NUDT1: variants seen among roughly 807,000 people sequenced by gnomAD.
NUDT1 encodes nudix hydrolase 1.
A neutral mutation model predicts 11.3 loss-of-function variants in NUDT1; 16 were observed. That is an observed-to-expected ratio of 1.41 (90% confidence interval 0.96 to 2.15). The LOEUF is 2.15. NUDT1 is among the 30% of genes most tolerant of loss of function. NUDT1 has a pLI of 0.00. For synonymous variants in NUDT1, 101 were observed against 84.4 expected (o/e 1.20, Z -1.08); for missense variants, 234 against 208.4 (o/e 1.12, Z -0.76).
intron 3 of NUDT1, 34 bp from the exon 4 acceptor site, chr7:2,250,795 C>A (rs889123021): frequency 6.2e-7 from 1 of 1,613,356 alleles, no homozygotes; most frequent in Admixed American, 1.7e-5. Context: ...GTTTGGGTTG[C>A]ACCTCAGTGC....
intron 1 of NUDT1, 131 bp downstream of exon 1, chr7:2,242,387 G>C (rs943714458): frequency 7.7e-6 from 4 of 520,152 alleles, no homozygotes; most frequent in East Asian, 3.5e-5. Context: ...GCTCGAAGGA[G>C]ACCAGAAGAG....
At chr7:2,246,025 A>C (rs535529552) in intron 2 of NUDT1, among the ~76,000 whole-genome samples, 2 of 152,282 alleles carry the variant, frequency 1.3e-5, no homozygotes, top group East Asian at 3.9e-4. Context: ...TGGGGGCCGC[A>C]GCTGGGGAGG....
chr7:2,248,520 C>A (rs886292069), intron 2 of NUDT1, among the ~76,000 whole-genome samples: 1 of 150,010 alleles, frequency 6.7e-6, no homozygotes, highest in Admixed American at 6.6e-5. Flanking sequence ...GTGGAAAGCC[C>A]GAGGTATAAA....
Position 2,244,697 on chromosome 7 carries a change from A to T in NUDT1, c.123A>T (p.Glu41Asp). 6.2e-7 allele frequency: 1 copy of T among 1,612,828 alleles called. No individual in the cohort carries two copies. The highest frequency in any genetic ancestry group is 8.5e-7 in the Non-Finnish European group (1 of 1,179,596). ...RWNGFGGKVQ[E>D]GETIEDGARR... The stretch of plus-strand genomic sequence containing the variant: ...ATGGCTTTGGGGGCAAAGTGCAAGA[A>T]GGAGAGACCATCGAGGATGGGGCTA... The change falls in exon 2 of 4, where the codon GAA becomes GAT. Residue 41 changes from glutamate (E) to aspartate (D), a missense_variant. Physicochemically the swap from Glu to Asp is conservative, Grantham distance 45. Coordinates refer to ENST00000356714, the MANE Select transcript of NUDT1 (RefSeq NM_002452.4).
At chr7:2,246,577 A>C (rs1794774271) in intron 2 of NUDT1, among the ~76,000 whole-genome samples, 1 of 152,228 alleles carries the variant, frequency 6.6e-6, no homozygotes, top group South Asian at 2.1e-4. Context: ...TGACAAGCAA[A>C]GCACAGGCCC....
intron 3 of NUDT1, among the ~76,000 whole-genome samples, chr7:2,250,514 A>G (rs12699805): frequency 0.64 from 97,253 of 151,638 alleles, 31,978 homozygotes; most frequent in East Asian, 0.74. Flanking sequence ...CTGGAGGGCA[A>G]TGGCGCAATC....
At chr7:2,248,834 G>A (rs928243306) in intron 2 of NUDT1, among the ~76,000 whole-genome samples, 2 of 152,122 alleles carry the variant, frequency 1.3e-5, no homozygotes, top group African/African-American at 4.8e-5. Context: ...GGGATTACAG[G>A]CATGAGCCAC....
Position 2,242,256 on chromosome 7 carries a change from G to A in NUDT1, c.-13G>A. The A allele has an allele frequency of 2.9e-6, 4 of 1,356,708 alleles. No homozygotes were observed. Among genetic ancestry groups the A allele is most frequent in the South Asian group, 1.4e-5 (1 of 73,910 alleles). The allele number at this position is 1,356,708 out of a possible 1,614,324, so 84.0% of individuals were successfully genotyped here. On this transcript the variant is annotated splice_region_variant and 5_prime_UTR_variant, in exon 1 of 4. Coordinates refer to ENST00000356714, the MANE Select transcript of NUDT1 (RefSeq NM_002452.4). ...CCACGCCCCCGGAAGCGGCGGTGCAGGTACGAAAAGCGCGCGCGGGGATTC... is the reference window on the plus strand; with the variant it reads ...CCACGCCCCCGGAAGCGGCGGTGCAAGTACGAAAAGCGCGCGCGGGGATTC...
chr7:2,250,056 G>T, intron 3 of NUDT1, 54 bp downstream of exon 3: 1 of 1,602,558 alleles, frequency 6.2e-7, no homozygotes, highest in Non-Finnish European at 8.5e-7. Context: ...CCATCTCCTG[G>T]CTGGGAGAAA....
intron 1 of NUDT1, 87 bp from the exon 2 acceptor site, chr7:2,244,476 C>A: frequency 7.7e-7 from 1 of 1,300,186 alleles, no homozygotes; most frequent in Non-Finnish European, 1.0e-6. Context: ...CACTGCCTCC[C>A]AGAGCACGTC....
rs2115054085 is a variant in NUDT1 at position 2,244,740 on chromosome 7, A to C, written c.152+14A>C. On this transcript the variant is annotated intron_variant, in intron 2 of 3. Transcript: ENST00000356714. ...TGGGGCTAGGAGGTAAGGATGGGGC[A>C]GGTCTGGCCATAGAACCGGCTTTCC... is the stretch of plus-strand genomic sequence containing the variant. 2 of 1,601,536 alleles carry C rather than the reference A, an allele frequency of 1.2e-6. No homozygotes were observed. The highest frequency in any genetic ancestry group is 1.7e-6 in the Non-Finnish European group (2 of 1,175,166).
chr7:2,250,746 C>T, intron 3 of NUDT1, 83 bp from the exon 4 acceptor site: 4 of 1,514,648 alleles, frequency 2.6e-6, no homozygotes, highest in Admixed American at 1.7e-5. Flanking sequence ...GCGTGAGCCA[C>T]CGCGCCCGGC....
chr7:2,244,561 A>G lies in NUDT1; in HGVS notation c.-12-2A>G, dbSNP rs371772164. 7.1e-6 allele frequency: 11 copies of G among 1,543,412 alleles called. No homozygotes were observed. The highest frequency in any genetic ancestry group is 2.0e-5 in the Admixed American group (1 of 50,352). ...GACTCTGCCCTCTCACCTTCCTTTCAGAACCCAGGGACCATGGGCGCCTCC... is the reference window on the plus strand; with the variant it reads ...GACTCTGCCCTCTCACCTTCCTTTCGGAACCCAGGGACCATGGGCGCCTCC... On this transcript the variant is annotated splice_acceptor_variant, in intron 1 of 3. Coordinates refer to ENST00000356714, the MANE Select transcript of NUDT1 (RefSeq NM_002452.4). LOFTEE classifies it low-confidence loss of function (5UTR_SPLICE).
chr7:2,249,541 T>G, intron 2 of NUDT1: 1 of 431,068 alleles, frequency 2.3e-6, no homozygotes, highest in Non-Finnish European at 4.4e-6. Flanking sequence ...TGGACTCCAC[T>G]GGGCCTGGGC....
At chr7:2,243,166 G>A (rs1395152003) in intron 1 of NUDT1, 4 of 581,850 alleles carry the variant, frequency 6.9e-6, no homozygotes, top group South Asian at 2.2e-5. Context: ...TGCTTTCCAC[G>A]TCCTCTTGAC....
chr7:2,242,582 A>G (rs1233691463), intron 1 of NUDT1: 2 of 335,240 alleles, frequency 6.0e-6, no homozygotes, highest in African/African-American at 2.1e-5. Flanking sequence ...TGTGAAACTA[A>G]GCCACAAACC....
At chr7:2,244,451 T>TTGGCCC in intron 1 of NUDT1, 112 bp from the exon 2 acceptor site, 1 of 981,626 alleles carries the variant, frequency 1.0e-6, no homozygotes, top group Non-Finnish European at 1.5e-6. Context: ...AGTTACAGCA[T>TTGGCCC]ACCCCCCCGC....
chr7:2,250,504 C>A (rs1349977606), intron 3 of NUDT1, among the ~76,000 whole-genome samples: 1 of 152,258 alleles, frequency 6.6e-6, no homozygotes, highest in Non-Finnish European at 1.5e-5. Context: ...GTCGCCCAGG[C>A]TGGAGGGCAA....
intron 2 of NUDT1, among the ~76,000 whole-genome samples, chr7:2,244,966 G>A (rs137967788): frequency 5.1e-4 from 78 of 152,300 alleles, no homozygotes; most frequent in African/African-American, 1.6e-3. Flanking sequence ...TGTGCGGTGC[G>A]TGCTGAGTGC....
Sources: allele counts gnomAD v4.1 joint callset (sites outside exome capture counted in the v4.1 genomes callset), GRCh38; gene constraint gnomAD v4.1.1; transcripts MANE v1.5; gene names NCBI Gene and HGNC (gene_info 2026-07-23, HGNC 2026-07-21).